The following HECW1 variants were observed in gnomAD, a reference collection of about 807,000 sequenced individuals.
HECW1 encodes the protein E3 ubiquitin-protein ligase HECW1.
A neutral mutation model predicts 182.3 loss-of-function variants in HECW1; 61 were observed. The observed-to-expected ratio is 0.33, with a 90% CI of 0.27 to 0.41. HECW1 has a LOEUF of 0.41. HECW1 is among the 10% of genes least tolerant of loss of function. HECW1 has a pLI of 1.00. For missense variants in HECW1, 1,739 were observed against 2,108.9 expected (o/e 0.82, Z 3.44); for synonymous variants, 859 against 832.6 (o/e 1.03, Z -0.55).
At chr7:43,288,952 G>A (rs967929950) in intron 3 of HECW1, among the ~76,000 whole-genome samples, 5 of 152,202 alleles carry the variant, frequency 3.3e-5, no homozygotes, top group Admixed American at 1.3e-4. Context: ...TGCGCTATAC[G>A]CAGTCAAATA....
chr7:43,284,788 C>A (rs1804406862), intron 3 of HECW1, among the ~76,000 whole-genome samples: 1 of 152,060 alleles, frequency 6.6e-6, no homozygotes, highest in Admixed American at 6.5e-5. Flanking sequence ...ATTCCATTTT[C>A]TTTCCACAAC....
intron 12 of HECW1, among the ~76,000 whole-genome samples, chr7:43,454,769 A>G (rs1395295646): frequency 1.3e-5 from 2 of 152,258 alleles, no homozygotes; most frequent in Non-Finnish European, 2.9e-5. Flanking sequence ...TTGCTATGTC[A>G]TTACCTGAAT....
intron 5 of HECW1, among the ~76,000 whole-genome samples, chr7:43,344,108 G>A (rs1292009120): frequency 6.6e-6 from 1 of 151,538 alleles, no homozygotes; most frequent in African/African-American, 2.4e-5. Context: ...GGGGTTGTTT[G>A]GTTTTTTTCT....
chr7:43,163,427 C>T (rs1282851527), intron 2 of HECW1, among the ~76,000 whole-genome samples: 1 of 152,100 alleles, frequency 6.6e-6, no homozygotes, highest in Non-Finnish European at 1.5e-5. Context: ...TTGTTCTGTC[C>T]GGGGGGAGGT....
chr7:43,475,539 A>C (rs988897125), intron 16 of HECW1, among the ~76,000 whole-genome samples: 3 of 151,896 alleles, frequency 2.0e-5, no homozygotes, highest in African/African-American at 7.3e-5. Context: ...CTTGATAAAA[A>C]TTAAATATTT....
rs558703372 is a variant in HECW1, at chr7:43,207,154, A to C, written c.-31-36721A>C. Among the ~76,000 whole-genome samples the C allele has an allele frequency of 2.0e-5, 3 of 152,208 alleles. No individual in the cohort carries two copies. In the East Asian group the frequency reaches 5.8e-4, roughly 29 times the overall value. On this transcript the variant is annotated intron_variant, in intron 2 of 29. Transcript: ENST00000395891. ...CTCCGTCTCCTGGGTTCAAGCAATT[A>C]TCCTGCCTCAGCCTACAGACTAGCT...
chr7:43,301,987 G>A (rs989005446), intron 3 of HECW1, among the ~76,000 whole-genome samples: 2 of 152,068 alleles, frequency 1.3e-5, no homozygotes, highest in Admixed American at 1.3e-4. Context: ...TTAAAAGAGA[G>A]CATCTTTACA....
chr7:43,137,328 G>A (rs1229024453), intron 2 of HECW1, among the ~76,000 whole-genome samples: 2 of 152,128 alleles, frequency 1.3e-5, no homozygotes, highest in African/African-American at 4.8e-5. Context: ...GTGATCTGCA[G>A]CTCAGGTTCC....
At chr7:43,359,778 GA>G (rs373100106) in intron 5 of HECW1, among the ~76,000 whole-genome samples, 4 of 152,190 alleles carry the variant, frequency 2.6e-5, no homozygotes, top group South Asian at 2.1e-4. Flanking sequence ...CCATATTTGA[GA>G]AAAAATATCT....
rs1156479404 is a variant in HECW1, at chr7:43,180,068, G to A, written c.-31-63807G>A. Among the ~76,000 whole-genome samples the A allele has an allele frequency of 2.0e-5, 3 of 152,242 alleles. No homozygotes were observed. In the East Asian group the frequency reaches 5.8e-4, roughly 29 times the overall value. ...AGGAGTTTCACAACTGCACTTGCCAGTTTACGTTATCTGCCCTTAGCAGAG... is the reference window on the plus strand; with the variant it reads ...AGGAGTTTCACAACTGCACTTGCCAATTTACGTTATCTGCCCTTAGCAGAG... On this transcript the variant is annotated intron_variant, in intron 2 of 29. Transcript: ENST00000395891.
At chr7:43,425,643 A>G (rs975862435) in intron 8 of HECW1, among the ~76,000 whole-genome samples, 2 of 152,202 alleles carry the variant, frequency 1.3e-5, no homozygotes, top group African/African-American at 4.8e-5. Context: ...TGGGAAGTCC[A>G]GTAGCATGGC....
chr7:43,160,124 C>A (rs987676845), intron 2 of HECW1, among the ~76,000 whole-genome samples: 2 of 152,112 alleles, frequency 1.3e-5, no homozygotes, highest in African/African-American at 4.8e-5. Flanking sequence ...ACTTTTGTCC[C>A]TTTGCACTTA....
At chr7:43,550,664 C>T (rs928060119) in intron 27 of HECW1, 73 bp downstream of exon 27, 155 of 1,447,998 alleles carry the variant, frequency 1.1e-4, no homozygotes, top group Non-Finnish European at 1.1e-4. Context: ...CCTCCAGGCT[C>T]CCTGAGGGAG....
chr7:43,432,145 CTT>C lies in HECW1; in HGVS notation c.802-5847_802-5846del, dbSNP rs35096209. 9.7e-5 allele frequency among the ~76,000 whole-genome samples: 14 copies of C among 144,512 alleles called. 1 individual carries two copies. Among genetic ancestry groups the C allele is most frequent in the Admixed American group, 2.7e-4 (4 of 14,672 alleles). 94.8% of individuals were successfully genotyped at this position (144,512 alleles called of 152,430 possible). A position where few individuals can be genotyped will look rare whatever the true frequency, so the allele number is the denominator to read the frequency against. On this transcript the variant is annotated intron_variant, in intron 8 of 29. Transcript: ENST00000395891. This position sits in a 1 kb window ranked among gnomAD's most constrained non-coding sequence, Gnocchi z 4.1. ...ACCCGGCCAGTTGTTTATTTTATTT[CTT>C]TTTTTTTTTTGAGACGGAGTCTCGC...
chr7:43,307,108 T>C (rs975656694), intron 3 of HECW1, among the ~76,000 whole-genome samples: 2 of 152,182 alleles, frequency 1.3e-5, no homozygotes, highest in Non-Finnish European at 2.9e-5. Context: ...CAGATGGTTT[T>C]TACTCCCATA....
chr7:43,554,125 G>A (rs541912411), intron 28 of HECW1, among the ~76,000 whole-genome samples: 23 of 152,248 alleles, frequency 1.5e-4, no homozygotes, highest in Non-Finnish European at 2.5e-4. Flanking sequence ...TCCTGTTCAC[G>A]AAACTGGCTG....
Position 43,444,215 on chromosome 7 carries a change from C to T in HECW1, c.1046-3C>T, listed in dbSNP as rs1458771156. 6.3e-7 allele frequency: 1 copy of T among 1,595,622 alleles called. No individual in the cohort carries two copies. Among genetic ancestry groups the T allele is most frequent in the East Asian group, 2.2e-5 (1 of 44,526 alleles). ...AATGACATATTTTTCTTCTTACCAG[C>T]AGATGATGAGGAGATTTCCCTGAGT... On this transcript the variant is annotated splice_polypyrimidine_tract_variant and splice_region_variant and intron_variant, in intron 10 of 29. Coordinates refer to ENST00000395891, the MANE Select transcript of HECW1 (RefSeq NM_015052.5). The surrounding 1 kb of genome is among the most constrained non-coding windows in gnomAD (Gnocchi z 4.3).
chr7:43,137,528 T>TTTTATTTATTTA (rs368972324), intron 2 of HECW1, among the ~76,000 whole-genome samples: 3,267 of 147,410 alleles, frequency 0.022, 112 homozygotes, highest in African/African-American at 0.073. Flanking sequence ...TTCTGCCTTC[T>TTTTATTTATTTA]TTTATTTATT....
rs1488363047 is a variant in HECW1 at position 43,374,643 on chromosome 7, G to A, written c.555+13663G>A. On this transcript the variant is annotated intron_variant, in intron 6 of 29. Transcript: ENST00000395891. The stretch of plus-strand genomic sequence containing the variant: ...CAAAAAATTAGCCGGGCGCAGTGGC[G>A]GGCGCCTGTAGTCCCAGCTACTTGG... 3.1e-5 allele frequency among the ~76,000 whole-genome samples: 3 copies of A among 97,902 alleles called. 1 individual carries two copies. The highest frequency in any genetic ancestry group is 5.7e-5 in the Non-Finnish European group (3 of 52,278). The allele number at this position is 97,902 out of a possible 152,430, so 64.2% of individuals were successfully genotyped here.
Sources: allele counts gnomAD v4.1 joint callset (sites outside exome capture counted in the v4.1 genomes callset), GRCh38; gene constraint gnomAD v4.1.1; non-coding constraint Gnocchi (gnomAD v3.1); transcripts MANE v1.5; gene names NCBI Gene and HGNC (gene_info 2026-07-23, HGNC 2026-07-21).